Variants in GALK2 observed in about 807,000 individuals in gnomAD.
GALK2 encodes the protein N-acetylgalactosamine kinase.
GALK2 carries 36 observed loss-of-function variants against 52.4 expected under a neutral mutation model. The ratio of observed to expected loss-of-function variants is 0.69; its 90% CI spans 0.53 to 0.91. GALK2 has a LOEUF of 0.91. Among genes scored for constraint, GALK2 ranks in the 40% least tolerant of loss-of-function variants. GALK2 has a pLI of 0.00. For synonymous variants in GALK2, 176 were observed against 199.1 expected (o/e 0.88, Z 0.98); for missense variants, 579 against 559.1 (o/e 1.04, Z -0.36).
intron 7 of GALK2, among the ~76,000 whole-genome samples, chr15:49,292,105 T>G (rs187845795): frequency 1.6e-3 from 246 of 152,192 alleles, no homozygotes; most frequent in African/African-American, 5.3e-3. Flanking sequence ...TGTGTGTGTT[T>G]CAGGACAAAT....
intron 5 of GALK2, among the ~76,000 whole-genome samples, chr15:49,254,748 A>G (rs1350489744): frequency 6.9e-6 from 1 of 143,978 alleles, no homozygotes; most frequent in African/African-American, 2.5e-5. Flanking sequence ...GTGCTTTTAT[A>G]TTTAGAAGTT....
chr15:49,211,676 A>G (rs772327058), intron 2 of GALK2, among the ~76,000 whole-genome samples: 1 of 152,176 alleles, frequency 6.6e-6, no homozygotes, highest in Non-Finnish European at 1.5e-5. Flanking sequence ...ACTTACAAGC[A>G]TGGTGGAAGA....
At chr15:49,239,497 A>G (rs1466971883) in intron 5 of GALK2, 130 bp downstream of exon 5, 2 of 780,552 alleles carry the variant, frequency 2.6e-6, no homozygotes, top group Non-Finnish European at 4.1e-6. Flanking sequence ...GTGGGCAAGC[A>G]TTGTAACTTA....
chr15:49,219,703 C>A (rs1276777624), intron 3 of GALK2, among the ~76,000 whole-genome samples: 2 of 152,082 alleles, frequency 1.3e-5, no homozygotes, highest in Non-Finnish European at 2.9e-5. Context: ...CCCAGCTACT[C>A]AGGAGGCTGA....
intron 5 of GALK2, among the ~76,000 whole-genome samples, chr15:49,260,716 T>A (rs2092062570): frequency 6.6e-6 from 1 of 151,970 alleles, no homozygotes; most frequent in Admixed American, 6.6e-5. Context: ...CGTTTAAGTC[T>A]TTAATCCATC....
intron 9 of GALK2, among the ~76,000 whole-genome samples, chr15:49,324,402 A>AAAAAAAAAAAG (rs1366836018): frequency 6.7e-6 from 1 of 150,040 alleles, no homozygotes; most frequent in Non-Finnish European, 1.5e-5. Flanking sequence ...TACCCTGTCA[A>AAAAAAAAAAAG]AAAAAAAAAA....
At chr15:49,304,976 A>G (rs1206511047) in intron 8 of GALK2, among the ~76,000 whole-genome samples, 1 of 152,174 alleles carries the variant, frequency 6.6e-6, no homozygotes, top group Non-Finnish European at 1.5e-5. Context: ...TGCAGAGTTC[A>G]TGGTCTCTTT....
intron 1 of GALK2, among the ~76,000 whole-genome samples, chr15:49,187,344 T>C (rs967896233): frequency 2.0e-5 from 3 of 152,210 alleles, no homozygotes; most frequent in African/African-American, 7.2e-5. Flanking sequence ...GAGACACAAG[T>C]AGACTTGTGG....
At chr15:49,230,192 A>G (rs2090422805) in intron 3 of GALK2, among the ~76,000 whole-genome samples, 1 of 152,074 alleles carries the variant, frequency 6.6e-6, no homozygotes, top group Non-Finnish European at 1.5e-5. Context: ...AGTGATGTGC[A>G]AGTTGCTTAA....
Position 49,239,346 on chromosome 15 carries a change from G to T in GALK2, c.483G>T (p.Val161=). Residue 161 remains valine (V), a synonymous_variant, in exon 5 of 10, where the codon GTG becomes GTT. Coordinates refer to ENST00000560031, the MANE Select transcript of GALK2 (RefSeq NM_002044.4). ...GTGCTGGCTTGGTGACGCTCACAGT[G>T]CTGGGAAGGAATCTATCCAAGGTAA... ...VCCAGLVTLT[V]LGRNLSKVEL... 6.2e-7 allele frequency: 1 copy of T among 1,614,054 alleles called. No homozygotes were observed. Among genetic ancestry groups the T allele is most frequent in the Non-Finnish European group, 8.5e-7 (1 of 1,179,988 alleles).
chr15:49,277,437 G>T, intron 5 of GALK2, among the ~76,000 whole-genome samples: 1 of 143,488 alleles, frequency 7.0e-6, no homozygotes. Flanking sequence ...CAAAGTGCTG[G>T]GATGACAGGC....
intron 1 of GALK2, among the ~76,000 whole-genome samples, chr15:49,187,586 A>G (rs1320617700): frequency 6.6e-6 from 1 of 152,176 alleles, no homozygotes; most frequent in Non-Finnish European, 1.5e-5. Flanking sequence ...AAGGAACCTT[A>G]GGAATCTACT....
downstream of GALK2, among the ~76,000 whole-genome samples, chr15:49,332,695 T>G (rs545665503): frequency 6.6e-6 from 1 of 152,346 alleles, no homozygotes; most frequent in South Asian, 2.1e-4. Context: ...ATTTAAAAAC[T>G]ATTTTTCCAT....
At chr15:49,294,861 T>C (rs2034315127) in intron 8 of GALK2, among the ~76,000 whole-genome samples, 1 of 152,146 alleles carries the variant, frequency 6.6e-6, no homozygotes, top group South Asian at 2.1e-4. Context: ...TTCCTAGACT[T>C]AGAGAGATTA....
chr15:49,329,381 G>C lies in GALK2; in HGVS notation c.*1222G>C, dbSNP rs1033854389. On this transcript the variant is annotated 3_prime_UTR_variant, in exon 10 of 10. Transcript: ENST00000560031. ...TTTGCTGAAATACTCAGGTAATTGAGATAGCAATGGTTTTATGGCATGAAT... is the reference window on the plus strand; with the variant it reads ...TTTGCTGAAATACTCAGGTAATTGACATAGCAATGGTTTTATGGCATGAAT... The C allele has an allele frequency of 2.0e-5, 20 of 985,200 alleles. No homozygotes were observed. In the African/African-American group the frequency reaches 3.0e-4, roughly 15 times the overall value. The allele number at this position is 985,200 out of a possible 1,614,324, so 61.0% of individuals were successfully genotyped here.
intron 8 of GALK2, among the ~76,000 whole-genome samples, chr15:49,300,941 G>A (rs73394359): frequency 0.19 from 28,319 of 152,126 alleles, 2,793 homozygotes; most frequent in Non-Finnish European, 0.21. Context: ...GTGTTTTGTG[G>A]TGGCAGGTAC....
chr15:49,179,732 T>G (rs2085813077), intron 1 of GALK2, among the ~76,000 whole-genome samples: 1 of 151,780 alleles, frequency 6.6e-6, no homozygotes, highest in South Asian at 2.1e-4. Flanking sequence ...TGCAATACTT[T>G]GGCCAATTCC....
At chr15:49,292,300 G>T in intron 7 of GALK2, 27 bp from the exon 8 acceptor site, 1 of 1,587,474 alleles carries the variant, frequency 6.3e-7, no homozygotes, top group South Asian at 1.1e-5. Context: ...AATCAAAACT[G>T]ACCATTATCT....
chr15:49,313,361 A>G (rs1338780103), intron 8 of GALK2, among the ~76,000 whole-genome samples: 2 of 152,238 alleles, frequency 1.3e-5, no homozygotes, highest in Non-Finnish European at 2.9e-5. Context: ...ATGTGAGGAT[A>G]GCTTTCTAGA....
Sources: gnomAD v4.1 joint callset for allele counts (sites outside exome capture counted in the v4.1 genomes callset) on GRCh38, gnomAD v4.1.1 for gene constraint, MANE v1.5 for transcripts, NCBI Gene and HGNC (gene_info 2026-07-23, HGNC 2026-07-21) for gene names.